SLC24A4: variants seen among roughly 807,000 people sequenced by gnomAD.
The protein encoded by SLC24A4 is solute carrier family 24 member 4.
Under a neutral mutation model 79.0 loss-of-function variants are expected in SLC24A4, and 53 were observed. The ratio of observed to expected loss-of-function variants is 0.67; its 90% CI spans 0.54 to 0.84. The LOEUF is 0.84. SLC24A4 is among the 40% of genes least tolerant of loss of function. The probability of loss-of-function intolerance (pLI) is 0.00; values close to 1 mark genes in which losing one functional copy is unlikely to be tolerated. For missense variants in SLC24A4, 731 were observed against 822.0 expected, an observed-to-expected ratio of 0.89 and a Z score of 1.35; for synonymous variants, 323 against 323.8, an observed-to-expected ratio of 1.00 and a Z score of 0.03.
At position 92,441,859 on chromosome 14, in the gene SLC24A4, A is replaced by G. The variant is rs1892514987; in HGVS notation, c.394-230A>G. Among the ~76,000 whole-genome samples the G allele has an allele frequency of 6.6e-6, 1 of 152,148 alleles. No homozygotes were observed. Among genetic ancestry groups the G allele is most frequent in the African/African-American group, 2.4e-5 (1 of 41,432 alleles). ...TCACGGGCTTGGAGGACAAACAGAA[A>G]GGAGATAGTTGGGGGTGGGGAAGGG... is the stretch of plus-strand genomic sequence containing the variant. On this transcript the variant is annotated intron_variant, in intron 4 of 16. Transcript: ENST00000532405. The surrounding 1 kb of genome is among the most constrained non-coding windows in gnomAD (Gnocchi z 4.6).
chr14:92,495,524 C>G lies in SLC24A4; in HGVS notation c.*1896C>G, dbSNP rs561938328. ...AACTTCAGCTGCAGGGATTCCAGAG[C>G]CCTCGGGACCACTCTGTCACCTTAA... On this transcript the variant is annotated 3_prime_UTR_variant, in exon 17 of 17. Coordinates refer to ENST00000532405, the MANE Select transcript of SLC24A4 (RefSeq NM_153646.4). The G allele has an allele frequency of 1.1e-4, 17 of 152,252 alleles. No individual in the cohort carries two copies. The South Asian group carries it at 3.5e-3, about 32-fold the overall frequency. The allele number at this position is 152,252 out of a possible 1,614,324, so 9.4% of individuals were successfully genotyped here. A position where few individuals can be genotyped will look rare whatever the true frequency, so the allele number is the denominator to read the frequency against.
Position 92,433,823 on chromosome 14 carries a change from A to G in SLC24A4, c.242-89A>G, listed in dbSNP as rs577080567. ...CAGTCCAAAGCGAGGTGGGCTCTGC[A>G]GTTCCTTAGTGAACTCTCAGAAGTC... On this transcript the variant is annotated intron_variant, in intron 2 of 16. Transcript: ENST00000532405. 3.2e-4 allele frequency: 348 copies of G among 1,092,704 alleles called. 2 individuals carry two copies. The South Asian group carries it at 3.9e-3, about 12-fold the overall frequency. The allele number at this position is 1,092,704 out of a possible 1,614,324, so 67.7% of individuals were successfully genotyped here. A position where few individuals can be genotyped will look rare whatever the true frequency, so the allele number is the denominator to read the frequency against.
At chr14:92,491,349 G>T (rs542425679) in intron 14 of SLC24A4, among the ~76,000 whole-genome samples, 1 of 152,150 alleles carries the variant, frequency 6.6e-6, no homozygotes, top group East Asian at 1.9e-4. Flanking sequence ...CAGTCATATT[G>T]GATTAAGACC....
rs375928065 is a variant in SLC24A4 at position 92,354,130 on chromosome 14, T to C, written c.241+28152T>C. On this transcript the variant is annotated intron_variant, in intron 2 of 16. Transcript: ENST00000532405. ...GGCGTGTTTAGCCTCCTGGCAAGCCTTGCCAGGTGATCGTACACCATATTA... is the reference window on the plus strand; with the variant it reads ...GGCGTGTTTAGCCTCCTGGCAAGCCCTGCCAGGTGATCGTACACCATATTA... 1.9e-4 allele frequency among the ~76,000 whole-genome samples: 29 copies of C among 151,972 alleles called. 2 individuals carry two copies. The East Asian group carries it at 5.0e-3, about 26-fold the overall frequency.
chr14:92,368,013 C>T (rs1887949090), intron 2 of SLC24A4, among the ~76,000 whole-genome samples: 1 of 152,170 alleles, frequency 6.6e-6, no homozygotes, highest in African/African-American at 2.4e-5. Context: ...TTATTTAACT[C>T]ATTAATGAGG....
intron 2 of SLC24A4, among the ~76,000 whole-genome samples, chr14:92,410,687 C>A (rs1199450439): frequency 6.6e-6 from 1 of 152,128 alleles, no homozygotes; most frequent in East Asian, 1.9e-4. Flanking sequence ...TAATACAATG[C>A]CTGTTTTACA....
intron 1 of SLC24A4, 74 bp downstream of exon 1, chr14:92,324,034 G>C: frequency 1.3e-6 from 2 of 1,543,432 alleles, no homozygotes; most frequent in South Asian, 1.2e-5. Context: ...GCGGCTGCGA[G>C]ATGTTTTCCC....
At chr14:92,386,684 C>T (rs1006268355) in intron 2 of SLC24A4, among the ~76,000 whole-genome samples, 2 of 152,304 alleles carry the variant, frequency 1.3e-5, no homozygotes, top group Admixed American at 6.5e-5. Flanking sequence ...ATGTAGTTCA[C>T]GACTTGAGCC....
At position 92,459,696 on chromosome 14, in the gene SLC24A4, C is replaced by CT. The variant is rs534955613; in HGVS notation, c.1255+3091dup. On this transcript the variant is annotated intron_variant, in intron 12 of 16. Transcript: ENST00000532405. The stretch of plus-strand genomic sequence containing the variant: ...AATGGCTTCCTTTTCTTCTTCCTCC[C>CT]TTTCCCCTGTGAGGAGCAGGCGGTG... Among the ~76,000 whole-genome samples, 101 of 152,328 alleles carry CT rather than the reference C, an allele frequency of 6.6e-4. 1 individual carries two copies. Among genetic ancestry groups the CT allele is most frequent in the African/African-American group, 2.4e-3 (101 of 41,560 alleles).
intron 2 of SLC24A4, among the ~76,000 whole-genome samples, chr14:92,408,664 T>C (rs1227849493): frequency 6.6e-6 from 1 of 152,212 alleles, no homozygotes; most frequent in East Asian, 1.9e-4. Flanking sequence ...AGATCTACCC[T>C]CTAGGTAGTA....
intron 3 of SLC24A4, among the ~76,000 whole-genome samples, chr14:92,437,928 G>GA (rs529573520): frequency 8.4e-4 from 127 of 151,962 alleles, no homozygotes; most frequent in Non-Finnish European, 9.1e-4. Context: ...TGAGAGAGTA[G>GA]AAAAAAAAGT....
intron 2 of SLC24A4, among the ~76,000 whole-genome samples, chr14:92,381,523 A>G (rs559807219): frequency 6.6e-6 from 1 of 152,130 alleles, no homozygotes; most frequent in Non-Finnish European, 1.5e-5. Context: ...GGTGCAGCAA[A>G]CCACCATGGC....
chr14:92,464,552 G>A (rs1433872265), intron 12 of SLC24A4, among the ~76,000 whole-genome samples: 8 of 151,568 alleles, frequency 5.3e-5, no homozygotes, highest in Non-Finnish European at 7.4e-5. Context: ...TAAGTTTACA[G>A]GGGTGTGCTG....
At chr14:92,386,461 G>A (rs771298267) in intron 2 of SLC24A4, among the ~76,000 whole-genome samples, 8 of 152,152 alleles carry the variant, frequency 5.3e-5, no homozygotes, top group African/African-American at 1.9e-4. Flanking sequence ...TACAATCTGC[G>A]GGGTGCCGGG....
intron 14 of SLC24A4, among the ~76,000 whole-genome samples, chr14:92,488,064 CCTT>C (rs1219968980): frequency 6.6e-6 from 1 of 150,420 alleles, no homozygotes; most frequent in Non-Finnish European, 1.5e-5. Flanking sequence ...TCCTCCTCCT[CCTT>C]CTTCCTCTTT....
chr14:92,424,863 C>A (rs867062958), intron 2 of SLC24A4, among the ~76,000 whole-genome samples: 1 of 152,142 alleles, frequency 6.6e-6, no homozygotes, highest in African/African-American at 2.4e-5. Context: ...GCCTGGGCGA[C>A]AGAGCAAGAC....
intron 2 of SLC24A4, among the ~76,000 whole-genome samples, chr14:92,365,136 C>T (rs1887754986): frequency 6.6e-6 from 1 of 152,258 alleles, no homozygotes; most frequent in East Asian, 1.9e-4. Context: ...TGCCCAGCTC[C>T]CACTGCCCGG....
Position 92,442,715 on chromosome 14 carries a change from G to C in SLC24A4, c.481G>C (p.Val161Leu), listed in dbSNP as rs925888997. 1.9e-6 allele frequency: 3 copies of C among 1,611,620 alleles called. No homozygotes were observed. Among genetic ancestry groups the C allele is most frequent in the Non-Finnish European group, 2.5e-6 (3 of 1,177,728 alleles). The change falls in exon 6 of 17, where the codon GTG becomes CTG. Residue 161 changes from valine to leucine, a missense_variant and splice_region_variant. Transcript: ENST00000532405. ...TPELFASVIG[V>L]FITHGDVGVG... ...GGGTCTGTGTGTTTCCTTTCCAGGG[G>C]TGTTCATCACCCATGGGGACGTCGG...
intron 2 of SLC24A4, among the ~76,000 whole-genome samples, chr14:92,365,331 G>A (rs1458708589): frequency 2.6e-5 from 4 of 152,242 alleles, no homozygotes; most frequent in African/African-American, 4.8e-5. Flanking sequence ...CTTAAAACAC[G>A]GCCATTCCAA....
Sources: allele counts gnomAD v4.1 joint callset (sites outside exome capture counted in the v4.1 genomes callset), GRCh38; gene constraint gnomAD v4.1.1; non-coding constraint Gnocchi (gnomAD v3.1); transcripts MANE v1.5; gene names NCBI Gene and HGNC (gene_info 2026-07-23, HGNC 2026-07-21).